The following ABCB1 variants were observed in gnomAD, a reference collection of about 807,000 sequenced individuals.
ABCB1 encodes ATP binding cassette subfamily B member 1, also known as ATP-dependent translocase ABCB1.
ABCB1 carries 69 observed loss-of-function variants against 142.0 expected under a neutral mutation model. The ratio of observed to expected loss-of-function variants is 0.49; its 90% CI spans 0.40 to 0.59. The LOEUF is 0.59. ABCB1 is among the 20% of genes least tolerant of loss of function. The pLI is 0.00. For synonymous variants in ABCB1, 532 were observed against 539.2 expected (o/e 0.99, Z 0.18); for missense variants, 1,326 against 1,554.7 (o/e 0.85, Z 2.47).
intron 9 of ABCB1, 98 bp downstream of exon 9, chr7:87,553,663 C>A: frequency 7.6e-7 from 1 of 1,322,134 alleles, no homozygotes; most frequent in Non-Finnish European, 1.1e-6. Flanking sequence ...TAGTATTCAA[C>A]AGTTGTTCAA....
chr7:87,585,575 T>C lies in ABCB1; in HGVS notation c.223A>G (p.Met75Val). Reference protein sequence around the residue: ...LPLMMLVFGEMTDIFANAGNL... With the variant: ...LPLMMLVFGEVTDIFANAGNL... ...CCTGCATTTGCAAAGATATCTGTCA[T>C]TTCTCCAAACACCAGCATCATGAGA... The change falls in exon 4 of 28, where the codon ATG becomes GTG. Residue 75 changes from methionine to valine, a missense_variant. Physicochemically the swap from Met to Val is conservative, Grantham distance 21. Transcript: ENST00000622132. 6.2e-7 allele frequency: 1 copy of C among 1,614,072 alleles called. No individual in the cohort carries two copies. Among genetic ancestry groups the C allele is most frequent in the Non-Finnish European group, 8.5e-7 (1 of 1,179,920 alleles).
At chr7:87,520,913 A>G in intron 21 of ABCB1, 37 bp from the exon 22 acceptor site, 1 of 1,450,766 alleles carries the variant, frequency 6.9e-7, no homozygotes, top group Non-Finnish European at 9.7e-7. Context: ...GAGGCACAAG[A>G]GTAAATAGTG....
intron 7 of ABCB1, among the ~76,000 whole-genome samples, chr7:87,565,804 T>A (rs904730564): frequency 6.6e-6 from 1 of 152,072 alleles, no homozygotes; most frequent in Non-Finnish European, 1.5e-5. Flanking sequence ...CTCGTTTTCT[T>A]ACAAAGGCAG....
chr7:87,623,326 T>G (rs573892083), intron 1 of ABCB1, among the ~76,000 whole-genome samples: 8 of 152,320 alleles, frequency 5.3e-5, no homozygotes, highest in Non-Finnish European at 1.2e-4. Flanking sequence ...CTGTTCGAAC[T>G]GAGGGTCAGT....
At chr7:87,709,166 G>A in intron 1 of ABCB1, 2 of 726,642 alleles carry the variant, frequency 2.8e-6, no homozygotes, top group South Asian at 6.2e-5. Flanking sequence ...ACTAAATGCA[G>A]CCCAGTTTTG....
chr7:87,568,242 C>CAATAATAATAATAATAATAACAAT (rs1554435541), intron 5 of ABCB1, among the ~76,000 whole-genome samples: 44,687 of 134,240 alleles, frequency 0.33, 8,342 homozygotes, highest in East Asian at 0.6. Flanking sequence ...AAAAATACGA[C>CAATAATAATAATAATAATAACAAT]AATAATAATA....
chr7:87,588,615 C>T (rs190066311), intron 3 of ABCB1, among the ~76,000 whole-genome samples: 8 of 152,304 alleles, frequency 5.3e-5, no homozygotes, highest in African/African-American at 1.9e-4. Context: ...CATGTCTTTG[C>T]TATTGTGAAT....
chr7:87,535,994 G>A (rs907990226), intron 20 of ABCB1, among the ~76,000 whole-genome samples: 1 of 152,126 alleles, frequency 6.6e-6, no homozygotes, highest in African/African-American at 2.4e-5. Flanking sequence ...AGTTATTAAA[G>A]ATAAAGACTG....
chr7:87,531,516 T>A lies in ABCB1; in HGVS notation c.2482-19A>T, dbSNP rs755679093. 1.2e-6 allele frequency: 2 copies of A among 1,608,474 alleles called. No homozygotes were observed. The highest frequency in any genetic ancestry group is 1.7e-6 in the Non-Finnish European group (2 of 1,177,218). On this transcript the variant is annotated intron_variant, in intron 20 of 27. Coordinates refer to ENST00000622132, the MANE Select transcript of ABCB1 (RefSeq NM_001348946.2). ...CTATAGCCTGCAAAACAAAACAAATTAGAGAAATTTTAAAAATATTATCTT... is the reference window on the plus strand; with the variant it reads ...CTATAGCCTGCAAAACAAAACAAATAAGAGAAATTTTAAAAATATTATCTT...
intron 20 of ABCB1, among the ~76,000 whole-genome samples, chr7:87,534,241 G>A (rs867086987): frequency 4.6e-5 from 7 of 152,156 alleles, no homozygotes; most frequent in South Asian, 2.1e-4. Flanking sequence ...TGTCTTCCAC[G>A]TCAAATGTGA....
chr7:87,565,929 A>C (rs1563055363), intron 7 of ABCB1, 141 bp downstream of exon 7: 1 of 938,474 alleles, frequency 1.1e-6, no homozygotes, highest in Non-Finnish European at 1.7e-6. Flanking sequence ...GGATATGCTT[A>C]TCCAGCTGAT....
chr7:87,504,541 G>T, intron 27 of ABCB1, 92 bp from the exon 28 acceptor site: 12 of 1,522,810 alleles, frequency 7.9e-6, no homozygotes, highest in East Asian at 2.4e-5. Flanking sequence ...GGGCATGGTG[G>T]CTCACGCCTG....
At chr7:87,600,333 T>G in intron 1 of ABCB1, 143 bp from the exon 2 acceptor site, 1 of 725,118 alleles carries the variant, frequency 1.4e-6, no homozygotes, top group Middle Eastern at 3.4e-4. Flanking sequence ...CTGGCCGCGA[T>G]GGGCACTGCA....
At chr7:87,610,663 A>G (rs913772504) in intron 1 of ABCB1, among the ~76,000 whole-genome samples, 6 of 152,260 alleles carry the variant, frequency 3.9e-5, no homozygotes, top group African/African-American at 1.2e-4. Flanking sequence ...TTACTCTACT[A>G]TAGTCAAGTT....
chr7:87,598,381 A>G (rs568277398), intron 2 of ABCB1, among the ~76,000 whole-genome samples: 2 of 152,292 alleles, frequency 1.3e-5, no homozygotes, highest in South Asian at 2.1e-4. Flanking sequence ...TTTACTCAAA[A>G]TCCAAGTGAT....
At chr7:87,552,692 T>C (rs886810269) in intron 9 of ABCB1, among the ~76,000 whole-genome samples, 7 of 143,694 alleles carry the variant, frequency 4.9e-5, no homozygotes, top group Non-Finnish European at 7.5e-5. Context: ...CACTGAGCAA[T>C]GTTGGATAAG....
At chr7:87,560,462 T>C (rs1817513331) in intron 8 of ABCB1, among the ~76,000 whole-genome samples, 1 of 152,166 alleles carries the variant, frequency 6.6e-6, no homozygotes, top group Non-Finnish European at 1.5e-5. Flanking sequence ...CCCTGCTGTG[T>C]GTTCGGCTCT....
At chr7:87,509,616 G>A in intron 25 of ABCB1, 135 bp from the exon 26 acceptor site, 1 of 920,266 alleles carries the variant, frequency 1.1e-6, no homozygotes, top group Non-Finnish European at 1.7e-6. Context: ...TTAAAATTTG[G>A]ATAGTGAAGG....
rs576532820 is a variant in ABCB1, at chr7:87,568,413, C to CAA, written c.339-1439_339-1438dup. 7.8e-3 allele frequency among the ~76,000 whole-genome samples: 1,091 copies of CAA among 139,470 alleles called. 19 individuals carry two copies. The highest frequency in any genetic ancestry group is 0.027 in the African/African-American group (1,032 of 38,680). The allele number at this position is 139,470 out of a possible 152,430, so 91.5% of individuals were successfully genotyped here. ...TGGGTGACAGAGTAAAACTCCATCT[C>CAA]AAAAAAAAAAAATGCAAACAATTCT... On this transcript the variant is annotated intron_variant, in intron 5 of 27. Transcript: ENST00000622132.
Sources: gnomAD v4.1 joint callset for allele counts (sites outside exome capture counted in the v4.1 genomes callset) on GRCh38, gnomAD v4.1.1 for gene constraint, MANE v1.5 for transcripts, NCBI Gene and HGNC (gene_info 2026-07-23, HGNC 2026-07-21) for gene names.